The following DLGAP1 variants were observed in gnomAD, a reference collection of about 807,000 sequenced individuals.
The protein encoded by DLGAP1 is disks large-associated protein 1.
Under a neutral mutation model 90.8 loss-of-function variants are expected in DLGAP1, and 11 were observed. The ratio of observed to expected loss-of-function variants is 0.12; its 90% CI spans 0.08 to 0.20. The LOEUF (loss-of-function observed/expected upper bound fraction) is 0.20. Ranked by LOEUF, DLGAP1 falls within the 10% of genes least tolerant of loss-of-function variation. The pLI is 1.00. For synonymous variants in DLGAP1, 558 were observed against 540.7 expected (o/e 1.03, Z -0.44); for missense variants, 1,050 against 1,333.8 (o/e 0.79, Z 3.31).
intron 7 of DLGAP1, among the ~76,000 whole-genome samples, chr18:3,668,020 C>T (rs1194245973): frequency 6.6e-6 from 1 of 152,172 alleles, no homozygotes; most frequent in Non-Finnish European, 1.5e-5. Context: ...AAGAGAAGCC[C>T]ACAGCACACC....
chr18:4,390,644 T>C (rs927116273), intron 1 of DLGAP1, among the ~76,000 whole-genome samples: 1 of 152,202 alleles, frequency 6.6e-6, no homozygotes, highest in Non-Finnish European at 1.5e-5. Context: ...CAGATTATTT[T>C]CTTTCACTTA....
chr18:3,999,882 G>T (rs1435427146), intron 3 of DLGAP1, among the ~76,000 whole-genome samples: 1 of 152,164 alleles, frequency 6.6e-6, no homozygotes. Context: ...CGCCATCATA[G>T]CTCCTTGCAA....
At chr18:3,546,295 T>C (rs1298685395) in intron 9 of DLGAP1, among the ~76,000 whole-genome samples, 1 of 151,628 alleles carries the variant, frequency 6.6e-6, no homozygotes, top group African/African-American at 2.4e-5. Flanking sequence ...GCACCTGTAG[T>C]CCCAGCTACA....
At chr18:3,600,557 T>C (rs1332231148) in intron 7 of DLGAP1, among the ~76,000 whole-genome samples, 1 of 151,204 alleles carries the variant, frequency 6.6e-6, no homozygotes, top group East Asian at 1.9e-4. Flanking sequence ...TTTTATTCGT[T>C]TTTATTATAA....
intron 9 of DLGAP1, among the ~76,000 whole-genome samples, chr18:3,567,118 CTA>C (rs66778503): frequency 0.16 from 23,834 of 151,854 alleles, 2,108 homozygotes; most frequent in East Asian, 0.24. Flanking sequence ...ACACCAGACA[CTA>C]TTAAGTGTTG....
intron 9 of DLGAP1, among the ~76,000 whole-genome samples, chr18:3,551,914 G>T (rs1049963464): frequency 1.2e-4 from 18 of 150,710 alleles, no homozygotes; most frequent in African/African-American, 4.4e-4. Context: ...AAGTAGCTGG[G>T]ACTACAGGCA....
intron 1 of DLGAP1, among the ~76,000 whole-genome samples, chr18:4,244,515 A>G (rs1271048024): frequency 4.6e-5 from 7 of 152,184 alleles, no homozygotes; most frequent in Non-Finnish European, 8.8e-5. Flanking sequence ...ATACTGCGTT[A>G]GTTGCAACAG....
At chr18:4,011,760 C>A (rs1421456354) in intron 2 of DLGAP1, among the ~76,000 whole-genome samples, 1 of 151,974 alleles carries the variant, frequency 6.6e-6, no homozygotes, top group Non-Finnish European at 1.5e-5. Context: ...GGAGGTCAAG[C>A]CTGCAGTGAG....
At chr18:3,558,380 G>A (rs1034125809) in intron 9 of DLGAP1, among the ~76,000 whole-genome samples, 4 of 152,024 alleles carry the variant, frequency 2.6e-5, no homozygotes, top group African/African-American at 9.7e-5. Context: ...CCACAGGCAC[G>A]TGCTATAACA....
chr18:3,747,974 G>C (rs2063339699), intron 5 of DLGAP1, among the ~76,000 whole-genome samples: 1 of 152,214 alleles, frequency 6.6e-6, no homozygotes, highest in Non-Finnish European at 1.5e-5. Flanking sequence ...CGATGACTTT[G>C]TCTTTACCTC....
intron 7 of DLGAP1, among the ~76,000 whole-genome samples, chr18:3,695,562 A>G (rs1047535553): frequency 2.6e-5 from 4 of 152,030 alleles, no homozygotes; most frequent in Non-Finnish European, 5.9e-5. Context: ...ATTGGTCTAT[A>G]TATCTGTTTT....
At chr18:4,371,243 A>G (rs1392337108) in intron 1 of DLGAP1, among the ~76,000 whole-genome samples, 1 of 152,232 alleles carries the variant, frequency 6.6e-6, no homozygotes, top group African/African-American at 2.4e-5. Flanking sequence ...AAATAAATAA[A>G]TACATGATTA....
intron 4 of DLGAP1, among the ~76,000 whole-genome samples, chr18:3,851,243 C>T (rs1035037179): frequency 3.3e-5 from 5 of 152,098 alleles, no homozygotes; most frequent in African/African-American, 4.8e-5. Flanking sequence ...CTGAAATTTA[C>T]GCAGCAGGTG....
intron 3 of DLGAP1, among the ~76,000 whole-genome samples, chr18:3,908,332 A>T (rs1029189925): frequency 1.3e-5 from 2 of 152,248 alleles, no homozygotes; most frequent in Admixed American, 6.5e-5. Context: ...GGTAGTTGCC[A>T]TATAGGATTA....
intron 2 of DLGAP1, among the ~76,000 whole-genome samples, chr18:4,143,284 T>C (rs568693927): frequency 2.0e-5 from 3 of 152,042 alleles, no homozygotes; most frequent in Admixed American, 1.3e-4. Context: ...ACTTTAGAAA[T>C]CAACCTGATG....
At chr18:4,039,634 A>T (rs1260112096) in intron 2 of DLGAP1, among the ~76,000 whole-genome samples, 1 of 152,224 alleles carries the variant, frequency 6.6e-6, no homozygotes, top group Non-Finnish European at 1.5e-5. Context: ...ATGTTTCATT[A>T]CTGTATTTGT....
intron 1 of DLGAP1, among the ~76,000 whole-genome samples, chr18:4,258,801 G>C (rs1292153461): frequency 6.6e-6 from 1 of 152,058 alleles, no homozygotes; most frequent in African/African-American, 2.4e-5. Flanking sequence ...AAAGTACTAA[G>C]TTTCTGAAAC....
intron 7 of DLGAP1, among the ~76,000 whole-genome samples, chr18:3,669,824 TGAG>T (rs2060022795): frequency 6.6e-6 from 1 of 152,318 alleles, no homozygotes; most frequent in Middle Eastern, 3.4e-3. Context: ...GTCCTTGTGA[TGAG>T]GAAGCGGATC....
intron 4 of DLGAP1, 55 bp from the exon 5 acceptor site, chr18:3,814,328 T>C: frequency 6.7e-7 from 1 of 1,498,570 alleles, no homozygotes. Flanking sequence ...CCTTTTTCTT[T>C]TCTTTTTCTT....
Sources: gnomAD v4.1 joint callset for allele counts (sites outside exome capture counted in the v4.1 genomes callset) on GRCh38, gnomAD v4.1.1 for gene constraint, MANE v1.5 for transcripts, NCBI Gene and HGNC (gene_info 2026-07-23, HGNC 2026-07-21) for gene names.